Variants in PRKN observed in about 807,000 individuals in gnomAD.
The protein encoded by PRKN is E3 ubiquitin-protein ligase parkin.
A neutral mutation model predicts 59.5 loss-of-function variants in PRKN; 56 were observed. The ratio of observed to expected loss-of-function variants is 0.94; its 90% CI spans 0.76 to 1.18. The LOEUF (loss-of-function observed/expected upper bound fraction) is 1.18, where lower values mean the gene tolerates loss of function less well. PRKN is among the 50% of genes most tolerant of loss of function. The pLI, the probability that PRKN is intolerant of heterozygous loss-of-function variation, is 0.00. For synonymous variants in PRKN, 250 were observed against 222.1 expected (o/e 1.13, Z -1.12); for missense variants, 657 against 596.4 (o/e 1.10, Z -1.06).
In PRKN at chr6:162,498,393, C is replaced by CTTTTTTTT. The variant is rs60024002; in HGVS notation, c.8-54928_8-54921dup. Reference sequence around the variant, plus strand: ...CAGAATCATTTTTTTTCTTTCTTTCCTTTTTTTTTTTTTTTTTTTTTTGAG... The same window carrying CTTTTTTTT: ...CAGAATCATTTTTTTTCTTTCTTTCCTTTTTTTTTTTTTTTTTTTTTTTTTTTTTTGAG... On this transcript the variant is annotated intron_variant, in intron 1 of 11. Coordinates refer to ENST00000366898, the MANE Select transcript of PRKN (RefSeq NM_004562.3). Among the ~76,000 whole-genome samples, 26 of 21,562 alleles carry CTTTTTTTT rather than the reference C, an allele frequency of 1.2e-3. 3 individuals carry two copies. The highest frequency in any genetic ancestry group is 1.9e-3 in the South Asian group (1 of 534). 14.1% of individuals were successfully genotyped at this position (21,562 alleles called of 152,430 possible).
At chr6:162,224,077 A>T (rs1778057205) in intron 3 of PRKN, among the ~76,000 whole-genome samples, 1 of 148,988 alleles carries the variant, frequency 6.7e-6, no homozygotes, top group African/African-American at 2.5e-5. Context: ...ACTCCTCCAT[A>T]CCCCAAAAAG....
chr6:162,091,630 A>G (rs1779500559), intron 4 of PRKN, among the ~76,000 whole-genome samples: 1 of 152,236 alleles, frequency 6.6e-6, no homozygotes, highest in African/African-American at 2.4e-5. Context: ...CTAAAAGTAT[A>G]CAGGGCAGAC....
At chr6:161,787,155 T>C (rs145373770) in intron 6 of PRKN, among the ~76,000 whole-genome samples, 1 of 152,342 alleles carries the variant, frequency 6.6e-6, no homozygotes, top group African/African-American at 2.4e-5. Context: ...AAAGCCCTTT[T>C]TCTAGAGAAA....
chr6:161,693,605 C>A (rs1785895163), intron 7 of PRKN, among the ~76,000 whole-genome samples: 1 of 152,132 alleles, frequency 6.6e-6, no homozygotes, highest in Admixed American at 6.5e-5. Context: ...CCTCTCATTT[C>A]TTTCTAATAT....
At chr6:161,902,560 A>ATT (rs752868786) in intron 6 of PRKN, among the ~76,000 whole-genome samples, 19 of 125,354 alleles carry the variant, frequency 1.5e-4, no homozygotes, top group African/African-American at 5.7e-4. Flanking sequence ...TTATTTATTT[A>ATT]TTTATTTTTT....
intron 1 of PRKN, among the ~76,000 whole-genome samples, chr6:162,689,932 C>A (rs1473331252): frequency 6.6e-6 from 1 of 152,080 alleles, no homozygotes; most frequent in Admixed American, 6.6e-5. Flanking sequence ...TGTGGGGTGA[C>A]CAATTTCAGA....
At chr6:162,705,925 C>T (rs902123557) in intron 1 of PRKN, among the ~76,000 whole-genome samples, 3 of 152,132 alleles carry the variant, frequency 2.0e-5, no homozygotes, top group Non-Finnish European at 4.4e-5. Context: ...GCACTAAACA[C>T]TTCTATTTAT....
chr6:161,595,843 C>T (rs1013936736), intron 7 of PRKN, among the ~76,000 whole-genome samples: 2 of 152,094 alleles, frequency 1.3e-5, no homozygotes, highest in African/African-American at 2.4e-5. Flanking sequence ...TAATTTACGG[C>T]GGGAAAGTGA....
rs946984449 is a variant in PRKN, at chr6:161,352,325, C to T, written c.1286-2114G>A. ...ATAACTTGCCGACATGCAAAATCTC[C>T]TGTTTTCCTAATCCTTTCTGGCTTG... is the stretch of plus-strand genomic sequence containing the variant. On this transcript the variant is annotated intron_variant, in intron 11 of 11. Transcript: ENST00000366898. This position sits in a 1 kb window ranked among gnomAD's most constrained non-coding sequence, Gnocchi z 5.8. Among the ~76,000 whole-genome samples the T allele has an allele frequency of 2.0e-5, 3 of 152,124 alleles. No homozygotes were observed. The highest frequency in any genetic ancestry group is 6.5e-5 in the Admixed American group (1 of 15,272).
chr6:161,453,766 C>T (rs1455692154), intron 9 of PRKN, among the ~76,000 whole-genome samples: 1 of 123,336 alleles, frequency 8.1e-6, no homozygotes, highest in Non-Finnish European at 1.7e-5. Context: ...TTCCTTTCCT[C>T]CTCCCCTCCC....
chr6:162,282,415 G>T (rs530246674), intron 2 of PRKN, among the ~76,000 whole-genome samples: 1 of 152,132 alleles, frequency 6.6e-6, no homozygotes, highest in South Asian at 2.1e-4. Flanking sequence ...ATCCATATTA[G>T]AAAGTATACA....
Position 161,400,649 on chromosome 6 carries a change from A to G in PRKN, c.1084-13772T>C, listed in dbSNP as rs1408326759. Among the ~76,000 whole-genome samples, 9 of 148,154 alleles carry G rather than the reference A, an allele frequency of 6.1e-5. No individual in the cohort carries two copies. Among genetic ancestry groups the G allele is most frequent in the South Asian group, 2.1e-4 (1 of 4,658 alleles). ...CGTATTCTAAGACAAAGAAATTCAG[A>G]TTTTTTTTTTTTCGAATAAAGGATG... is the stretch of plus-strand genomic sequence containing the variant. On this transcript the variant is annotated intron_variant, in intron 9 of 11. Transcript: ENST00000366898. The surrounding 1 kb of genome is among the most constrained non-coding windows in gnomAD (Gnocchi z 4.2).
At chr6:162,006,246 A>C (rs12192709) in intron 5 of PRKN, among the ~76,000 whole-genome samples, 17,259 of 152,142 alleles carry the variant, frequency 0.11, 1,308 homozygotes, top group Admixed American at 0.18. Context: ...CTGGGACTTT[A>C]AAAGAGTTCC....
rs1781672201 is a variant in PRKN at position 162,139,134 on chromosome 6, C to T, written c.534+61997G>A. 2.0e-5 allele frequency among the ~76,000 whole-genome samples: 3 copies of T among 152,258 alleles called. No homozygotes were observed. In the South Asian group the frequency reaches 6.2e-4, roughly 32 times the overall value. The stretch of plus-strand genomic sequence containing the variant: ...TAATGAAACTCAATTTGACACAATA[C>T]TGAAAAATGGAGTTGTATTCATGCA... On this transcript the variant is annotated intron_variant, in intron 4 of 11. Transcript: ENST00000366898.
intron 9 of PRKN, among the ~76,000 whole-genome samples, chr6:161,491,051 A>C (rs1777536505): frequency 6.6e-6 from 1 of 152,190 alleles, no homozygotes; most frequent in Non-Finnish European, 1.5e-5. Context: ...CCAATTAAAC[A>C]TCTTTTCTTT....
intron 1 of PRKN, among the ~76,000 whole-genome samples, chr6:162,458,290 G>A (rs1308228746): frequency 6.9e-6 from 1 of 144,598 alleles, no homozygotes; most frequent in Admixed American, 7.0e-5. Flanking sequence ...CCTGGGTGTG[G>A]TGGCACGTGC....
intron 2 of PRKN, among the ~76,000 whole-genome samples, chr6:162,301,937 A>G (rs79888866): frequency 0.022 from 3,386 of 152,178 alleles, 66 homozygotes; most frequent in African/African-American, 0.055. Context: ...TACCTACGCA[A>G]TATTCTCATT....
At chr6:161,608,699 A>T (rs1782377644) in intron 7 of PRKN, among the ~76,000 whole-genome samples, 1 of 145,540 alleles carries the variant, frequency 6.9e-6, no homozygotes, top group Admixed American at 6.9e-5. Flanking sequence ...CGCCCGGCTA[A>T]TTTTTTTTTT....
At chr6:162,431,550 T>G (rs1275493803) in intron 2 of PRKN, among the ~76,000 whole-genome samples, 2 of 151,284 alleles carry the variant, frequency 1.3e-5, no homozygotes, top group East Asian at 1.9e-4. Context: ...AGAGCAAGAC[T>G]CTGTCTCAAA....
Sources: allele counts gnomAD v4.1 joint callset (sites outside exome capture counted in the v4.1 genomes callset), GRCh38; gene constraint gnomAD v4.1.1; non-coding constraint Gnocchi (gnomAD v3.1); transcripts MANE v1.5; gene names NCBI Gene and HGNC (gene_info 2026-07-23, HGNC 2026-07-21).